The following DST variants were observed in gnomAD, a reference collection of about 807,000 sequenced individuals.
The protein encoded by DST is dystonin.
A neutral mutation model predicts 875.2 loss-of-function variants in DST; 253 were observed. That is an observed-to-expected ratio of 0.29 (90% confidence interval 0.26 to 0.32). DST has a LOEUF of 0.32. DST is among the 10% of genes least tolerant of loss of function. The pLI, the probability that DST is intolerant of heterozygous loss-of-function variation, is 1.00. For missense variants in DST, 8,287 were observed against 9,111.6 expected (o/e 0.91, Z 3.68); for synonymous variants, 3,124 against 3,197.1 (o/e 0.98, Z 0.77).
intron 4 of DST, among the ~76,000 whole-genome samples, chr6:56,817,727 A>G (rs1055146330): frequency 1.6e-4 from 25 of 152,194 alleles, no homozygotes; most frequent in African/African-American, 5.8e-4. Flanking sequence ...ATAAACCAAT[A>G]CAGGAATGGT....
At chr6:56,875,070 G>T (rs191553835) in intron 3 of DST, among the ~76,000 whole-genome samples, 32 of 152,250 alleles carry the variant, frequency 2.1e-4, no homozygotes, top group Admixed American at 2.0e-3. Flanking sequence ...TGCAAGCTCC[G>T]CCTCCCAGGT....
In DST at chr6:56,668,517, G is replaced by A. The variant is rs550660093; in HGVS notation, c.1214+2124C>T. ...AGCACACTGGGAGGCTGAGGTAGGC[G>A]GATCACCTGAGGTAAGGAGTTCAAG... On this transcript the variant is annotated intron_variant, in intron 10 of 103. Coordinates refer to ENST00000680361, the MANE Select transcript of DST (RefSeq NM_001374736.1). 4.6e-5 allele frequency among the ~76,000 whole-genome samples: 7 copies of A among 152,094 alleles called. No homozygotes were observed. In the East Asian group the frequency reaches 5.8e-4, roughly 13 times the overall value.
At chr6:56,695,126 CAAAAAAAAA>C (rs34456344) in intron 9 of DST, among the ~76,000 whole-genome samples, 64 of 70,054 alleles carry the variant, frequency 9.1e-4, no homozygotes, top group Non-Finnish European at 1.6e-3. Context: ...GACTCCCTCT[CAAAAAAAAA>C]AAAAAAAAAA....
intron 4 of DST, among the ~76,000 whole-genome samples, chr6:56,765,183 T>A (rs374040041): frequency 6.6e-6 from 1 of 152,158 alleles, no homozygotes; most frequent in Non-Finnish European, 1.5e-5. Flanking sequence ...GATTCTAACA[T>A]CCTATTGTTT....
chr6:56,468,974 GT>G lies in DST; in HGVS notation c.22569+7del. On this transcript the variant is annotated splice_region_variant and intron_variant, in intron 98 of 103. Coordinates refer to ENST00000680361, the MANE Select transcript of DST (RefSeq NM_001374736.1). ...AGGAACTTGAGAATACATTCCACTG[GT>G]TTATACCTGATTTCCCAGGAAGAAC... 2 of 1,576,314 alleles carry G rather than the reference GT, an allele frequency of 1.3e-6. No homozygotes were observed. The highest frequency in any genetic ancestry group is 1.7e-6 in the Non-Finnish European group (2 of 1,159,014).
At chr6:56,511,594 C>T (rs1489286309) in intron 72 of DST, among the ~76,000 whole-genome samples, 194 bp from the exon 73 acceptor site, 3 of 152,160 alleles carry the variant, frequency 2.0e-5, no homozygotes, top group Non-Finnish European at 4.4e-5. Context: ...AAACAACAGT[C>T]TGGTCACACC....
At position 56,865,261 on chromosome 6, in the gene DST, C is replaced by CTGTGTG. The variant is rs35870270; in HGVS notation, c.418-13663_418-13658dup. ...TCTACCTCCCTGCTTCCCTAGTTTT[C>CTGTGTG]TGTGTGTGTGTGTGTGTGTGTGTGT... is the stretch of plus-strand genomic sequence containing the variant. On this transcript the variant is annotated intron_variant, in intron 3 of 103. Coordinates refer to ENST00000680361, the MANE Select transcript of DST (RefSeq NM_001374736.1). Among the ~76,000 whole-genome samples the CTGTGTG allele has an allele frequency of 2.6e-3, 372 of 143,784 alleles. 1 individual carries two copies. The highest frequency in any genetic ancestry group is 7.1e-3 in the Middle Eastern group (2 of 280). 94.3% of individuals were successfully genotyped at this position (143,784 alleles called of 152,430 possible).
At chr6:56,829,187 A>G (rs1178300433) in intron 4 of DST, among the ~76,000 whole-genome samples, 8 of 152,362 alleles carry the variant, frequency 5.3e-5, no homozygotes, top group South Asian at 2.1e-4. Flanking sequence ...CTGCATGTAT[A>G]TGGTGATCAC....
intron 3 of DST, chr6:56,852,092 A>G (rs1765581471): frequency 7.3e-7 from 1 of 1,366,836 alleles, no homozygotes; most frequent in African/African-American, 1.5e-5. Context: ...TTTCCGCTTC[A>G]AGTCACCTCA....
intron 4 of DST, among the ~76,000 whole-genome samples, chr6:56,804,171 G>A (rs1326875960): frequency 6.6e-6 from 1 of 152,046 alleles, no homozygotes; most frequent in African/African-American, 2.4e-5. Flanking sequence ...AACATCCCAA[G>A]GGCTCCAACC....
In DST at chr6:56,603,978, A is replaced by T. The variant is rs1157854817; in HGVS notation, c.10650T>A (p.Ile3550=). The T allele has an allele frequency of 3.7e-6, 6 of 1,609,720 alleles. No homozygotes were observed. The highest frequency in any genetic ancestry group is 5.1e-6 in the Non-Finnish European group (6 of 1,177,656). ...YSPNLETVKE[I]GLESSTVWAS... ...CCCACACAGTAGAGCTTTCTAGTCC[A>T]ATTTCTTTTACAGTTTCTAAATTAG... Residue 3550 remains isoleucine (I), a synonymous_variant, in exon 40 of 104, where the codon ATT becomes ATA. Coordinates refer to ENST00000680361, the MANE Select transcript of DST (RefSeq NM_001374736.1).
In DST at chr6:56,747,320, A is replaced by T. The variant is rs190372401; in HGVS notation, c.626-12031T>A. ...CTCCTCTACCACTATCTGCTCTCCC[A>T]GTCATCAGATCTCCTGCCTTCCTGT... On this transcript the variant is annotated intron_variant, in intron 4 of 103. Transcript: ENST00000680361. 1.2e-4 allele frequency among the ~76,000 whole-genome samples: 18 copies of T among 152,266 alleles called. No individual in the cohort carries two copies. The East Asian group carries it at 3.1e-3, about 26-fold the overall frequency.
Position 56,487,229 on chromosome 6 carries a change from G to C in DST, c.20922C>G (p.Thr6974=), listed in dbSNP as rs760474439. Residue 6974 remains threonine (T), a synonymous_variant, in exon 87 of 104, where the codon ACC becomes ACG. Transcript: ENST00000680361. ...SLGAKHSVYD[T]TNRTGRSLKE... ...TCAGAGAACGTCCAGTCCTGTTGGTGGTGTCGTAGACAGAATGCTTGGCTC... is the reference window on the plus strand; with the variant it reads ...TCAGAGAACGTCCAGTCCTGTTGGTCGTGTCGTAGACAGAATGCTTGGCTC... The C allele has an allele frequency of 1.2e-6, 2 of 1,611,308 alleles. No homozygotes were observed. Among genetic ancestry groups the C allele is most frequent in the Non-Finnish European group, 1.7e-6 (2 of 1,178,534 alleles).
chr6:56,657,201 CA>C (rs929263742), intron 10 of DST, among the ~76,000 whole-genome samples: 19 of 152,146 alleles, frequency 1.2e-4, no homozygotes, highest in African/African-American at 3.4e-4. Flanking sequence ...TATAACGACA[CA>C]AACAAAAGCA....
At chr6:56,559,417 C>T (rs532662981) in intron 58 of DST, among the ~76,000 whole-genome samples, 1 of 152,144 alleles carries the variant, frequency 6.6e-6, no homozygotes, top group South Asian at 2.1e-4. Flanking sequence ...CTTAGGGTAA[C>T]CTTTTTCAAA....
rs765728366 is a variant in DST, at chr6:56,604,085, C to G, written c.10543G>C (p.Ala3515Pro). The change falls in exon 40 of 104, where the codon GCA becomes CCA. Residue 3515 changes from alanine (A) to proline (P), a missense_variant. This residue lies in a region of DST where 3,138 missense variants were observed against 3,116.6 expected (regional missense o/e 1.01). Coordinates refer to ENST00000680361, the MANE Select transcript of DST (RefSeq NM_001374736.1). ...TCCATCATCTCAGATGTAGAACATG[C>G]TTTTTGATTAAAGTCTCCAACATGT... ...IEHVGDFNQK[A>P]CSTSEMMEEK... 6.3e-6 allele frequency: 10 copies of G among 1,580,002 alleles called. No homozygotes were observed. The East Asian group carries it at 2.3e-4, about 36-fold the overall frequency.
Position 56,701,882 on chromosome 6 carries a change from T to A in DST, c.954+6A>T, listed in dbSNP as rs373402193. The stretch of plus-strand genomic sequence containing the variant: ...ATATGATTACAGTATTTTCAAAACA[T>A]CATACCTGGCGTCTTTTCAAATAGT... On this transcript the variant is annotated splice_donor_region_variant and intron_variant, in intron 8 of 103. Transcript: ENST00000680361. 6.4e-7 allele frequency: 1 copy of A among 1,571,940 alleles called. No individual in the cohort carries two copies.
At chr6:56,459,379 G>C in intron 103 of DST, 112 bp from the exon 104 acceptor site, 1 of 1,160,648 alleles carries the variant, frequency 8.6e-7, no homozygotes, top group Non-Finnish European at 1.2e-6. Context: ...TGTGTAGTAG[G>C]CACTCAGAAA....
chr6:56,780,636 A>G (rs1443952950), intron 4 of DST, among the ~76,000 whole-genome samples: 21 of 152,138 alleles, frequency 1.4e-4, no homozygotes, highest in African/African-American at 5.1e-4. Context: ...GCCCTTTGTC[A>G]GATGAGTAGG....
Sources: gnomAD v4.1 joint callset for allele counts (sites outside exome capture counted in the v4.1 genomes callset) on GRCh38, gnomAD v4.1.1 for gene constraint, gnomAD v4.1.1 regional missense constraint, MANE v1.5 for transcripts, NCBI Gene and HGNC (gene_info 2026-07-23, HGNC 2026-07-21) for gene names.